SYT4: variants seen among roughly 807,000 people sequenced by gnomAD.
SYT4 encodes the protein synaptotagmin 4, also known as synaptotagmin-4.
A neutral mutation model predicts 32.9 loss-of-function variants in SYT4; 7 were observed. The ratio of observed to expected loss-of-function variants is 0.21; its 90% confidence interval spans 0.12 to 0.40. The LOEUF is 0.40. Ranked by LOEUF, SYT4 falls within the 10% of genes least tolerant of loss-of-function variation. The pLI, the probability that SYT4 is intolerant of heterozygous loss-of-function variation, is 1.00. For missense variants in SYT4, 480 were observed against 488.0 expected (o/e 0.98, Z 0.16); for synonymous variants, 205 against 186.2 (o/e 1.10, Z -0.82).
intron 1 of SYT4, among the ~76,000 whole-genome samples, chr18:43,274,597 T>C (rs1908736766): frequency 1.3e-5 from 2 of 152,204 alleles, no homozygotes; most frequent in East Asian, 3.8e-4. Context: ...TAAAGTGTGC[T>C]AGAAATTCCT....
chr18:43,276,435 C>T (rs1021803033), intron 1 of SYT4, among the ~76,000 whole-genome samples: 2 of 152,056 alleles, frequency 1.3e-5, no homozygotes, highest in Admixed American at 6.6e-5. Flanking sequence ...AAATTCTGAC[C>T]TTTTTCCTTT....
At chr18:43,275,785 A>G (rs981627457) in intron 1 of SYT4, among the ~76,000 whole-genome samples, 1 of 152,176 alleles carries the variant, frequency 6.6e-6, no homozygotes, top group Non-Finnish European at 1.5e-5. Context: ...TGACTTCTCC[A>G]GGTGGAAAAA....
intron 1 of SYT4, among the ~76,000 whole-genome samples, chr18:43,276,265 C>T (rs960799180): frequency 6.6e-6 from 1 of 152,146 alleles, no homozygotes; most frequent in Non-Finnish European, 1.5e-5. Flanking sequence ...AAACACTTAT[C>T]TACTCCCTAT....
chr18:43,275,892 G>GA lies in SYT4; in HGVS notation c.34+1355dup, dbSNP rs35823374. 8.4e-3 allele frequency among the ~76,000 whole-genome samples: 1,273 copies of GA among 150,926 alleles called. 9 individuals are homozygous for GA. The highest frequency in any genetic ancestry group is 0.034 in the Middle Eastern group (10 of 294). The stretch of plus-strand genomic sequence containing the variant: ...TTTTTCCTTCTATTCAAGTCTTTGT[G>GA]AAAAAAAAATGCACCCACATTCCTG... On this transcript the variant is annotated intron_variant, in intron 1 of 3. Coordinates refer to ENST00000255224, the MANE Select transcript of SYT4 (RefSeq NM_020783.4).
intron 2 of SYT4, 91 bp downstream of exon 2, chr18:43,273,489 C>T (rs1233919137): frequency 3.8e-6 from 3 of 798,442 alleles, no homozygotes; most frequent in Non-Finnish European, 5.9e-6. Context: ...ATGATATGTA[C>T]AAGCTTATCA....
chr18:43,270,070 A>G lies in SYT4; in HGVS notation c.*271T>C. 2.4e-6 allele frequency: 1 copy of G among 412,322 alleles called. No individual in the cohort carries two copies. The highest frequency in any genetic ancestry group is 4.0e-5 in the East Asian group (1 of 24,724). 25.5% of individuals were successfully genotyped at this position (412,322 alleles called of 1,614,324 possible). A position where few individuals can be genotyped will look rare whatever the true frequency, so the allele number is the denominator to read the frequency against. ...TGGGATTCTGGCACAGTATTCATAA[A>G]ATGTCTGACTATTCCTAGTTATATC... On this transcript the variant is annotated 3_prime_UTR_variant, in exon 4 of 4. Coordinates refer to ENST00000255224, the MANE Select transcript of SYT4 (RefSeq NM_020783.4).
rs1030156749 is a variant in SYT4, at chr18:43,274,378, C to G, written c.51G>C (p.Val17=). 1.3e-6 allele frequency: 2 copies of G among 1,589,562 alleles called. No individual in the cohort carries two copies. The highest frequency in any genetic ancestry group is 2.7e-5 in the African/African-American group (2 of 73,522). Residue 17 remains valine (V), a synonymous_variant, in exon 2 of 4, where the codon GTG becomes GTC. Coordinates refer to ENST00000255224, the MANE Select transcript of SYT4 (RefSeq NM_020783.4). ...GGCCAAATGCACTGAAGATCCCCAC[C>G]ACTGTGGGGATTTCATCTGAAAAAT... is the stretch of plus-strand genomic sequence containing the variant. The part of the protein sequence containing the change: ...SREEFDEIPT[V]VGIFSAFGLV...
chr18:43,270,698 C>G, intron 3 of SYT4, 50 bp from the exon 4 acceptor site: 3 of 1,587,480 alleles, frequency 1.9e-6, no homozygotes, highest in Non-Finnish European at 2.6e-6. Context: ...GGCTGGAGAG[C>G]TGATATCAAG....
intron 2 of SYT4, among the ~76,000 whole-genome samples, chr18:43,273,370 A>G (rs1908688725): frequency 6.6e-6 from 1 of 152,126 alleles, no homozygotes; most frequent in South Asian, 2.1e-4. Context: ...TTTATTTTAC[A>G]TCATTAAAAC....
In SYT4 at chr18:43,277,128, T is replaced by C. The variant is rs1908819178; in HGVS notation, c.34+120A>G. On this transcript the variant is annotated intron_variant, in intron 1 of 3. Transcript: ENST00000255224. ...TGCCTGACTGCCATTCTCATTTTCC[T>C]TTTAAATTAACTACCTAGGAAATCT... is the stretch of plus-strand genomic sequence containing the variant. 14 of 1,264,286 alleles carry C rather than the reference T, an allele frequency of 1.1e-5. 1 individual carries two copies. The highest frequency in any genetic ancestry group is 4.5e-5 in the South Asian group (3 of 66,834). 78.3% of individuals were successfully genotyped at this position (1,264,286 alleles called of 1,614,324 possible).
Position 43,274,181 on chromosome 18 carries a change from T to C in SYT4, c.248A>G (p.Asn83Ser). ...FGADDKNEVK[N>S]KPAVPKNSLH... Reference sequence around the variant, plus strand: ...TGAATTCTTTGGCACAGCTGGCTTATTCTTTACTTCATTTTTATCATCTGC... The same window carrying C: ...TGAATTCTTTGGCACAGCTGGCTTACTCTTTACTTCATTTTTATCATCTGC... Residue 83 changes from asparagine (N) to serine (S), a missense_variant, in exon 2 of 4, where the codon AAT becomes AGT. By Grantham distance (46) the Asn-to-Ser change is conservative (BLOSUM62 1). Transcript: ENST00000255224. 1 of 1,614,080 alleles carries C rather than the reference T, an allele frequency of 6.2e-7. No individual in the cohort carries two copies.
chr18:43,273,839 G>T lies in SYT4; in HGVS notation c.590C>A (p.Thr197Lys). The T allele has an allele frequency of 6.2e-6, 10 of 1,614,004 alleles. No individual in the cohort carries two copies. Among genetic ancestry groups the T allele is most frequent in the African/African-American group, 1.3e-5 (1 of 75,026 alleles). ...TTTATGCTTCTTCTCTGGGAGGATC[G>T]TCATTTTGATATATGGGTCAGAGGT... ...SMTSDPYIKM[T>K]ILPEKKHKVK... is the part of the protein sequence containing the mutation. The change falls in exon 2 of 4, where the codon ACG (threonine) becomes AAG (lysine). Residue 197 changes from threonine to lysine, a missense_variant. Coordinates refer to ENST00000255224, the MANE Select transcript of SYT4 (RefSeq NM_020783.4).
intron 2 of SYT4, among the ~76,000 whole-genome samples, chr18:43,272,826 C>G (rs1415807506): frequency 1.3e-5 from 2 of 152,106 alleles, no homozygotes; most frequent in Non-Finnish European, 2.9e-5. Context: ...AAAATGAGCT[C>G]TCAGGTTTTC....
intron 3 of SYT4, 32 bp downstream of exon 3, chr18:43,271,680 A>G: frequency 1.2e-6 from 2 of 1,610,808 alleles, no homozygotes; most frequent in Non-Finnish European, 1.7e-6. Context: ...CCAATCATAC[A>G]GTGAATCTGA....
chr18:43,270,569 G>A lies in SYT4; in HGVS notation c.1050C>T (p.Pro350=), dbSNP rs1289065966. 6.2e-7 allele frequency: 1 copy of A among 1,614,010 alleles called. No homozygotes were observed. The highest frequency in any genetic ancestry group is 1.7e-5 in the Admixed American group (1 of 60,004). The change falls in exon 4 of 4, where the codon CCC becomes CCT. Residue 350 remains proline (P), a synonymous_variant. Coordinates refer to ENST00000255224, the MANE Select transcript of SYT4 (RefSeq NM_020783.4). The stretch of plus-strand genomic sequence containing the variant: ...CAAACAGCTCATTGAACACTGCATT[G>A]GGGGTGCATTTCTTCACATGAGTCT... ...KKKTHVKKCT[P]NAVFNELFVF...
chr18:43,273,078 G>A (rs1908680066), intron 2 of SYT4, among the ~76,000 whole-genome samples: 1 of 151,822 alleles, frequency 6.6e-6, no homozygotes, highest in Non-Finnish European at 1.5e-5. Context: ...ATACAATTTA[G>A]AGATGAGCAT....
chr18:43,269,659 A>G lies in SYT4; in HGVS notation c.*682T>C, dbSNP rs914559595. 9.8e-5 allele frequency: 15 copies of G among 152,778 alleles called. No individual in the cohort carries two copies. The highest frequency in any genetic ancestry group is 3.4e-4 in the African/African-American group (14 of 41,464). 9.5% of individuals were successfully genotyped at this position (152,778 alleles called of 1,614,324 possible). ...TATATTTTACAAAATTTTGACTCACATGTAACCTTAGGGGGGAGAAAAATT... is the reference window on the plus strand; with the variant it reads ...TATATTTTACAAAATTTTGACTCACGTGTAACCTTAGGGGGGAGAAAAATT... On this transcript the variant is annotated 3_prime_UTR_variant, in exon 4 of 4. Coordinates refer to ENST00000255224, the MANE Select transcript of SYT4 (RefSeq NM_020783.4).
chr18:43,273,566 T>A lies in SYT4; in HGVS notation c.849+14A>T. The stretch of plus-strand genomic sequence containing the variant: ...GATTGTTTATAAATACTTTAAGCAC[T>A]GAAAATAAATTACCCTAACATTTCT... On this transcript the variant is annotated intron_variant, in intron 2 of 3. Transcript: ENST00000255224. The A allele has an allele frequency of 6.4e-7, 1 of 1,563,900 alleles. No individual in the cohort carries two copies.
Position 43,274,213 on chromosome 18 carries a change from C to G in SYT4, c.216G>C (p.Lys72Asn), listed in dbSNP as rs374054209. 6.2e-6 allele frequency: 10 copies of G among 1,613,804 alleles called. No homozygotes were observed. The highest frequency in any genetic ancestry group is 1.6e-4 in the Middle Eastern group (1 of 6,084). The part of the protein sequence containing the change: ...IYPENLNSKK[K>N]FGADDKNEVK... ...CTTCATTTTTATCATCTGCTCCAAA[C>G]TTCTTTTTGCTATTTAGGTTTTCAG... The change falls in exon 2 of 4, where the codon AAG becomes AAC. Residue 72 changes from lysine to asparagine, a missense_variant. Transcript: ENST00000255224.
Sources: gnomAD v4.1 joint callset for allele counts (sites outside exome capture counted in the v4.1 genomes callset) on GRCh38, gnomAD v4.1.1 for gene constraint, MANE v1.5 for transcripts, NCBI Gene and HGNC (gene_info 2026-07-23, HGNC 2026-07-21) for gene names.